Variants in GATAD2B observed in about 807,000 individuals in gnomAD.
GATAD2B encodes transcriptional repressor p66-beta.
Under a neutral mutation model 64.3 loss-of-function variants are expected in GATAD2B, and 8 were observed. That is an observed-to-expected ratio of 0.12 (90% confidence interval 0.07 to 0.22). The LOEUF is 0.22. Ranked by LOEUF, GATAD2B falls within the 10% of genes least tolerant of loss-of-function variation. The pLI is 1.00. For synonymous variants in GATAD2B, 281 were observed against 271.3 expected (o/e 1.04, Z -0.35); for missense variants, 453 against 752.0 (o/e 0.60, Z 4.65).
intron 1 of GATAD2B, among the ~76,000 whole-genome samples, chr1:153,847,291 T>G (rs981639037): frequency 1.3e-5 from 2 of 152,198 alleles, no homozygotes; most frequent in Non-Finnish European, 2.9e-5. Flanking sequence ...TTAATGTCAG[T>G]ATTTTTGCAA....
At chr1:153,864,003 C>CA (rs1220816136) in intron 1 of GATAD2B, among the ~76,000 whole-genome samples, 1 of 151,988 alleles carries the variant, frequency 6.6e-6, no homozygotes, top group Non-Finnish European at 1.5e-5. Context: ...GAAAGAAAAA[C>CA]AAAAAATTCT....
chr1:153,835,872 A>G (rs1237861075), intron 1 of GATAD2B, among the ~76,000 whole-genome samples: 1 of 151,770 alleles, frequency 6.6e-6, no homozygotes, highest in African/African-American at 2.4e-5. Context: ...ACAGGCGCGT[A>G]CCACCATGCC....
chr1:153,844,809 G>C (rs1023588743), intron 1 of GATAD2B, among the ~76,000 whole-genome samples: 1 of 150,286 alleles, frequency 6.7e-6, no homozygotes, highest in African/African-American at 2.4e-5. Context: ...TATACCTAAG[G>C]CTAGATGACG....
At chr1:153,874,040 A>T (rs1469757922) in intron 1 of GATAD2B, among the ~76,000 whole-genome samples, 2 of 152,142 alleles carry the variant, frequency 1.3e-5, no homozygotes, top group Non-Finnish European at 2.9e-5. Context: ...AGGGTGGATC[A>T]TGAGGTCAAG....
intron 1 of GATAD2B, among the ~76,000 whole-genome samples, chr1:153,920,838 G>C (rs1285214203): frequency 6.6e-6 from 1 of 151,964 alleles, no homozygotes; most frequent in East Asian, 1.9e-4. Flanking sequence ...ACTGCCACTG[G>C]ACTAAAAAAA....
In GATAD2B at chr1:153,830,478, A is replaced by ATTTT. The variant is rs1158508480; in HGVS notation, c.-1-2131_-1-2130insAAAA. ...ATTTTTATTTTATTTTATTTTATTT[A>ATTTT]TTTATTTTTTTTTTTGAGACAGAGT... is the stretch of plus-strand genomic sequence containing the variant. On this transcript the variant is annotated intron_variant, in intron 1 of 10. Coordinates refer to ENST00000368655, the MANE Select transcript of GATAD2B (RefSeq NM_020699.4). 6.1e-3 allele frequency among the ~76,000 whole-genome samples: 525 copies of ATTTT among 85,928 alleles called. 1 individual carries two copies. The highest frequency in any genetic ancestry group is 9.9e-3 in the Non-Finnish European group (404 of 40,856). 56.4% of individuals were successfully genotyped at this position (85,928 alleles called of 152,430 possible). A position where few individuals can be genotyped will look rare whatever the true frequency, so the allele number is the denominator to read the frequency against.
intron 1 of GATAD2B, among the ~76,000 whole-genome samples, chr1:153,875,683 GAAAAAAAAAAAAA>G (rs11340415): frequency 3.8e-5 from 3 of 78,410 alleles, no homozygotes; most frequent in Non-Finnish European, 7.1e-5. Context: ...AGTTTGGAGG[GAAAAAAAAAAAAA>G]AAAAAAAAAG....
intron 1 of GATAD2B, among the ~76,000 whole-genome samples, chr1:153,909,143 T>C (rs1462943413): frequency 6.6e-6 from 1 of 152,254 alleles, no homozygotes; most frequent in East Asian, 1.9e-4. Flanking sequence ...AAGTGAGGGC[T>C]GTAGTGAGCC....
intron 1 of GATAD2B, among the ~76,000 whole-genome samples, chr1:153,871,103 G>A (rs1676652621): frequency 1.3e-5 from 2 of 152,000 alleles, no homozygotes; most frequent in Admixed American, 1.3e-4. Flanking sequence ...GTCTCGCTCT[G>A]TTGCCCAGGC....
intron 1 of GATAD2B, among the ~76,000 whole-genome samples, chr1:153,833,401 C>G (rs1039711440): frequency 1.3e-5 from 2 of 152,170 alleles, no homozygotes; most frequent in East Asian, 3.8e-4. Context: ...TGACAATGCA[C>G]CCAGTCACCA....
intron 1 of GATAD2B, among the ~76,000 whole-genome samples, chr1:153,872,725 A>C (rs190977386): frequency 1.2e-4 from 19 of 152,302 alleles, no homozygotes; most frequent in Non-Finnish European, 2.4e-4. Context: ...TAAATAACGT[A>C]CTTTGTTGGT....
intron 1 of GATAD2B, among the ~76,000 whole-genome samples, chr1:153,885,403 GACA>G (rs1677147576): frequency 6.6e-6 from 1 of 152,076 alleles, no homozygotes; most frequent in African/African-American, 2.4e-5. Context: ...TCAAGTCAGT[GACA>G]AGTAAAGGAA....
chr1:153,909,897 G>A (rs1408305305), intron 1 of GATAD2B, among the ~76,000 whole-genome samples: 15 of 147,922 alleles, frequency 1.0e-4, no homozygotes, highest in African/African-American at 2.0e-4. Context: ...GCAGTCAGCC[G>A]AGATGATGCC....
Position 153,862,049 on chromosome 1 carries a change from T to C in GATAD2B, c.-1-33701A>G, listed in dbSNP as rs1323384146. 4.7e-5 allele frequency among the ~76,000 whole-genome samples: 7 copies of C among 149,110 alleles called. No homozygotes were observed. The East Asian group carries it at 1.4e-3, about 29-fold the overall frequency. ...ACCTAGTTGCTAAAAGAGTACCTGC[T>C]CAAGAAATGTGAAGAATATAACTTA... On this transcript the variant is annotated intron_variant, in intron 1 of 10. Coordinates refer to ENST00000368655, the MANE Select transcript of GATAD2B (RefSeq NM_020699.4).
chr1:153,815,280 C>CAAAAAAAACAA (rs1674429517), intron 7 of GATAD2B, among the ~76,000 whole-genome samples: 1 of 66,626 alleles, frequency 1.5e-5, no homozygotes, highest in Non-Finnish European at 2.7e-5. Context: ...CTCAAAAAAA[C>CAAAAAAAACAA]AAAAAAAAAA....
At chr1:153,883,915 G>C (rs1287840980) in intron 1 of GATAD2B, among the ~76,000 whole-genome samples, 1 of 152,166 alleles carries the variant, frequency 6.6e-6, no homozygotes, top group Admixed American at 6.6e-5. Context: ...GAACTATATA[G>C]TGGGCAGAGA....
intron 1 of GATAD2B, among the ~76,000 whole-genome samples, chr1:153,844,401 A>C (rs1675610081): frequency 6.6e-6 from 1 of 151,222 alleles, no homozygotes; most frequent in South Asian, 2.1e-4. Flanking sequence ...GCTTAGTTTA[A>C]GTACTGGCCT....
At chr1:153,845,815 G>T (rs1490832497) in intron 1 of GATAD2B, among the ~76,000 whole-genome samples, 1 of 152,048 alleles carries the variant, frequency 6.6e-6, no homozygotes, top group Non-Finnish European at 1.5e-5. Context: ...TGCGTCCACA[G>T]TTCCAGCTAC....
intron 1 of GATAD2B, among the ~76,000 whole-genome samples, chr1:153,893,676 C>A (rs1677490896): frequency 6.6e-6 from 1 of 151,936 alleles, no homozygotes; most frequent in East Asian, 1.9e-4. Context: ...AAAGTTTATT[C>A]TTGGCCAGGC....
Sources: allele counts gnomAD v4.1 joint callset (sites outside exome capture counted in the v4.1 genomes callset), GRCh38; gene constraint gnomAD v4.1.1; transcripts MANE v1.5; gene names NCBI Gene and HGNC (gene_info 2026-07-23, HGNC 2026-07-21).